SHB: variants seen among roughly 807,000 people sequenced by gnomAD.
SHB encodes the protein SH2 domain-containing adapter protein B.
Under a neutral mutation model 52.3 loss-of-function variants are expected in SHB, and 20 were observed. The ratio of observed to expected loss-of-function variants is 0.38; its 90% confidence interval spans 0.27 to 0.56. The LOEUF is 0.56. Among genes scored for constraint, SHB ranks in the 20% least tolerant of loss-of-function variants. The probability of loss-of-function intolerance (pLI) is 0.71; values close to 1 mark genes in which losing one functional copy is unlikely to be tolerated. For missense variants in SHB, 825 were observed against 723.3 expected (o/e 1.14, Z -1.61); for synonymous variants, 397 against 316.5 (o/e 1.25, Z -2.70).
chr9:37,993,490 A>G (rs759005573), intron 2 of SHB, among the ~76,000 whole-genome samples: 16 of 152,214 alleles, frequency 1.1e-4, no homozygotes, highest in Admixed American at 3.9e-4. Flanking sequence ...GCACACCAAC[A>G]TGGCACATGT....
chr9:38,024,419 C>T (rs1821316594), intron 1 of SHB, among the ~76,000 whole-genome samples: 1 of 152,274 alleles, frequency 6.6e-6, no homozygotes, highest in Admixed American at 6.5e-5. Flanking sequence ...AGTCCTGCCC[C>T]TCCCACGGCC....
At chr9:37,937,672 G>A (rs1455871019) in intron 5 of SHB, among the ~76,000 whole-genome samples, 1 of 152,222 alleles carries the variant, frequency 6.6e-6, no homozygotes, top group Non-Finnish European at 1.5e-5. Context: ...TATAGCCCTA[G>A]CATTTGAACT....
intron 2 of SHB, among the ~76,000 whole-genome samples, chr9:38,011,000 T>C (rs1356027340): frequency 6.6e-6 from 1 of 152,216 alleles, no homozygotes; most frequent in East Asian, 1.9e-4. Context: ...AAGTTTGTTT[T>C]CCACATGGGC....
chr9:37,931,560 G>A lies in SHB; in HGVS notation c.1347-11556C>T, dbSNP rs560420320. ...ATGAGGTATCACTTCATACCCACTA[G>A]AATGGCTATTATCAAAAAGTCAAAA... On this transcript the variant is annotated intron_variant, in intron 5 of 5. Transcript: ENST00000377707. Among the ~76,000 whole-genome samples the A allele has an allele frequency of 7.4e-4, 112 of 152,368 alleles. 2 individuals are homozygous for A. Among genetic ancestry groups the A allele is most frequent in the Non-Finnish European group, 1.0e-4 (7 of 68,034 alleles).
chr9:37,961,800 A>G (rs1341410063), intron 3 of SHB, among the ~76,000 whole-genome samples: 2 of 152,212 alleles, frequency 1.3e-5, no homozygotes, highest in Admixed American at 6.5e-5. Context: ...TCTGAGCTCC[A>G]AAGTCTGCAC....
chr9:37,919,604 G>T lies in SHB; in HGVS notation c.*217C>A. 2.2e-6 allele frequency: 1 copy of T among 460,710 alleles called. No homozygotes were observed. Among genetic ancestry groups the T allele is most frequent in the Non-Finnish European group, 3.9e-6 (1 of 258,918 alleles). The allele number at this position is 460,710 out of a possible 1,614,324, so 28.5% of individuals were successfully genotyped here. ...AAACTCAAGGAGAGGGTGGGGGTGG[G>T]GGCTGGGGTGGTGTGTTGCCGCCCT... is the stretch of plus-strand genomic sequence containing the variant. On this transcript the variant is annotated 3_prime_UTR_variant, in exon 6 of 6. Coordinates refer to ENST00000377707, the MANE Select transcript of SHB (RefSeq NM_003028.3).
chr9:38,068,495 CGGCGGAGGA>C lies in SHB; in HGVS notation c.142_150del (p.Ser48_Ala50del). 2 of 1,497,008 alleles carry C rather than the reference CGGCGGAGGA, an allele frequency of 1.3e-6. No homozygotes were observed. The highest frequency in any genetic ancestry group is 2.9e-5 in the African/African-American group (2 of 69,056). 92.7% of individuals were successfully genotyped at this position (1,497,008 alleles called of 1,614,324 possible). On this transcript the variant is annotated inframe_deletion, in exon 1 of 6. Transcript: ENST00000377707. ...GTGGCCGGACCGCAGGACGCCGAGG[CGGCGGAGGA>C]GGCCTGCGGCACGGCCTGGGGGGGC... is the stretch of plus-strand genomic sequence containing the variant.
intron 1 of SHB, among the ~76,000 whole-genome samples, chr9:38,039,520 T>C (rs1408701049): frequency 6.6e-6 from 1 of 152,248 alleles, no homozygotes; most frequent in Admixed American, 6.5e-5. Flanking sequence ...ATGAATGGAT[T>C]CCAAGATTCT....
intron 2 of SHB, among the ~76,000 whole-genome samples, chr9:38,013,968 C>T (rs905629615): frequency 6.6e-6 from 1 of 152,200 alleles, no homozygotes; most frequent in Non-Finnish European, 1.5e-5. Flanking sequence ...GGGTATATGT[C>T]AAAGTGCCCA....
In SHB at chr9:37,917,561, G is replaced by T. The variant is rs548019837; in HGVS notation, c.*2260C>A. 6.6e-5 allele frequency among the ~76,000 whole-genome samples: 10 copies of T among 152,180 alleles called. No homozygotes were observed. Among genetic ancestry groups the T allele is most frequent in the Non-Finnish European group, 1.2e-4 (8 of 68,026 alleles). On this transcript the variant is annotated 3_prime_UTR_variant, in exon 6 of 6. Transcript: ENST00000377707. ...GTCTCACCCTCCTCCCCCGCCGGAGGGTTGTTCCCCCTCTTCCTCAGCCTC... is the reference window on the plus strand; with the variant it reads ...GTCTCACCCTCCTCCCCCGCCGGAGTGTTGTTCCCCCTCTTCCTCAGCCTC...
At chr9:38,002,087 G>C (rs975409123) in intron 2 of SHB, among the ~76,000 whole-genome samples, 1 of 152,232 alleles carries the variant, frequency 6.6e-6, no homozygotes, top group East Asian at 1.9e-4. Context: ...GGCTGACCCT[G>C]GGTGGGTCAC....
In SHB at chr9:37,955,980, G is replaced by C. The variant is rs766386103; in HGVS notation, c.1129C>G (p.Pro377Ala). The stretch of plus-strand genomic sequence containing the variant: ...TTGATAGGCTTAAAGCCCCCTCCAG[G>C]GGCACGAAGCTGGCGCCGCCGGTCC... ...SRDRRRQLRA[P>A]GGGFKPIKHG... The change falls in exon 4 of 6, where the codon CCT becomes GCT. Residue 377 changes from proline (P) to alanine (A), a missense_variant. Pro to Ala is a conservative substitution (Grantham distance 27). Coordinates refer to ENST00000377707, the MANE Select transcript of SHB (RefSeq NM_003028.3). 6.2e-7 allele frequency: 1 copy of C among 1,606,606 alleles called. No individual in the cohort carries two copies. The highest frequency in any genetic ancestry group is 8.5e-7 in the Non-Finnish European group (1 of 1,177,170).
chr9:37,982,619 C>T (rs547932033), intron 2 of SHB, among the ~76,000 whole-genome samples: 4 of 145,142 alleles, frequency 2.8e-5, no homozygotes, highest in East Asian at 2.1e-4. Flanking sequence ...GGTGAAACCC[C>T]GTCTCTACTA....
chr9:38,068,111 T>G lies in SHB; in HGVS notation c.535A>C (p.Ile179Leu), dbSNP rs1266070968. Reference protein sequence around the residue: ...RPATPAEVRYISPKHRLIKVE... With the variant: ...RPATPAEVRYLSPKHRLIKVE... ...TTGATGAGGCGGTGCTTGGGGGAGA[T>G]GTAGCGCACCTCGGCCGGCGTGGCG... is the stretch of plus-strand genomic sequence containing the variant. Residue 179 changes from isoleucine to leucine, a missense_variant, in exon 1 of 6, where the codon ATC (isoleucine) becomes CTC (leucine). Ile to Leu is a conservative substitution (Grantham distance 5, BLOSUM62 2). Coordinates refer to ENST00000377707, the MANE Select transcript of SHB (RefSeq NM_003028.3). 18 of 1,471,746 alleles carry G rather than the reference T, an allele frequency of 1.2e-5. No individual in the cohort carries two copies. Among genetic ancestry groups the G allele is most frequent in the Non-Finnish European group, 1.6e-5 (18 of 1,123,694 alleles). 91.2% of individuals were successfully genotyped at this position (1,471,746 alleles called of 1,614,324 possible). A position where few individuals can be genotyped will look rare whatever the true frequency, so the allele number is the denominator to read the frequency against.
At chr9:38,067,495 G>T (rs572678325) in intron 1 of SHB, among the ~76,000 whole-genome samples, 2 of 152,302 alleles carry the variant, frequency 1.3e-5, no homozygotes, top group South Asian at 4.2e-4. Context: ...AGAAAGCTGT[G>T]TAATATTGGG....
chr9:38,068,262 G>C lies in SHB; in HGVS notation c.384C>G (p.Phe128Leu), dbSNP rs1259486021. 4 of 1,449,696 alleles carry C rather than the reference G, an allele frequency of 2.8e-6. No homozygotes were observed. Among genetic ancestry groups the C allele is most frequent in the South Asian group, 1.4e-5 (1 of 72,424 alleles). 89.8% of individuals were successfully genotyped at this position (1,449,696 alleles called of 1,614,324 possible). A position where few individuals can be genotyped will look rare whatever the true frequency, so the allele number is the denominator to read the frequency against. The change falls in exon 1 of 6, where the codon TTC becomes TTG. Residue 128 changes from phenylalanine (F) to leucine (L), a missense_variant. Transcript: ENST00000377707. ...SGEPGGVQRA[F>L]SASSASGAAG... ...CGGCGCCCGACGCGGACGAGGCCGAGAAGGCGCGCTGGACCCCGCCTGGCT... is the reference window on the plus strand; with the variant it reads ...CGGCGCCCGACGCGGACGAGGCCGACAAGGCGCGCTGGACCCCGCCTGGCT...
chr9:38,044,876 T>C, intron 1 of SHB, among the ~76,000 whole-genome samples: 1 of 152,148 alleles, frequency 6.6e-6, no homozygotes, highest in Non-Finnish European at 1.5e-5. Context: ...CCAGGAGCCA[T>C]GACATGGTGT....
At chr9:38,024,586 G>C (rs1821319337) in intron 1 of SHB, among the ~76,000 whole-genome samples, 1 of 152,178 alleles carries the variant, frequency 6.6e-6, no homozygotes, top group Non-Finnish European at 1.5e-5. Flanking sequence ...CACCCCCTCA[G>C]AGTGAGCTGT....
At chr9:38,009,382 C>T (rs1045064920) in intron 2 of SHB, among the ~76,000 whole-genome samples, 15 of 152,360 alleles carry the variant, frequency 9.8e-5, no homozygotes, top group Admixed American at 5.9e-4. Flanking sequence ...ACCGCAGAGG[C>T]GGGTAACCAA....
Sources: gnomAD v4.1 joint callset for allele counts (sites outside exome capture counted in the v4.1 genomes callset) on GRCh38, gnomAD v4.1.1 for gene constraint, MANE v1.5 for transcripts, NCBI Gene and HGNC (gene_info 2026-07-23, HGNC 2026-07-21) for gene names.